The following IL1RAPL1 variants were observed in gnomAD, a reference collection of about 807,000 sequenced individuals.
IL1RAPL1 encodes interleukin 1 receptor accessory protein like 1.
In IL1RAPL1, 3 loss-of-function variants were observed where a neutral mutation model predicts 48.4. The ratio of observed to expected loss-of-function variants is 0.06; its 90% CI spans 0.03 to 0.16. IL1RAPL1 has a LOEUF of 0.16. Among genes scored for constraint, IL1RAPL1 ranks in the 10% least tolerant of loss-of-function variants. The probability of loss-of-function intolerance (pLI) is 1.00; values close to 1 mark genes in which losing one functional copy is unlikely to be tolerated. For missense variants in IL1RAPL1, 349 were observed against 530.6 expected, an observed-to-expected ratio of 0.66 and a Z score of 3.36; for synonymous variants, 185 against 187.7, an observed-to-expected ratio of 0.99 and a Z score of 0.12.
At chrX:29,593,157 C>T (rs61371732) in intron 5 of IL1RAPL1, among the ~76,000 whole-genome samples, 3,436 of 111,188 alleles carry the variant, frequency 0.031, 137 homozygotes, top group African/African-American at 0.11. Context: ...GCTTGGTTGT[C>T]GTATTAGCCT....
chrX:29,681,037 A>C (rs2147105675), intron 6 of IL1RAPL1, among the ~76,000 whole-genome samples: 1 of 112,703 alleles, frequency 8.9e-6, no homozygotes, highest in Non-Finnish European at 1.9e-5. Context: ...AATATGAATA[A>C]GTAAAGTGAG....
intron 2 of IL1RAPL1, among the ~76,000 whole-genome samples, chrX:29,101,311 T>G (rs1183112508): frequency 8.9e-6 from 1 of 111,898 alleles, no homozygotes; most frequent in Non-Finnish European, 1.9e-5. Context: ...ATGAAGAAAT[T>G]CAAAACCTGA....
chrX:28,651,623 G>A (rs1438495094), intron 1 of IL1RAPL1, among the ~76,000 whole-genome samples: 2 of 112,228 alleles, frequency 1.8e-5, no homozygotes, highest in African/African-American at 6.5e-5. Context: ...CTTTCACTAT[G>A]TTATAAAATC....
At chrX:28,643,905 T>C (rs911988126) in intron 1 of IL1RAPL1, among the ~76,000 whole-genome samples, 14 of 111,984 alleles carry the variant, frequency 1.3e-4, no homozygotes, top group African/African-American at 4.2e-4. Flanking sequence ...AATTCAGCTC[T>C]GGTCCTGAGT....
intron 2 of IL1RAPL1, among the ~76,000 whole-genome samples, chrX:28,860,111 CT>C (rs1921904284): frequency 9.0e-6 from 1 of 111,578 alleles, no homozygotes; most frequent in South Asian, 3.7e-4. Context: ...ACATAAATTG[CT>C]TTGACTAAAC....
At chrX:28,970,954 A>G (rs911374735) in intron 2 of IL1RAPL1, among the ~76,000 whole-genome samples, 1 of 111,731 alleles carries the variant, frequency 9.0e-6, no homozygotes, top group Non-Finnish European at 1.9e-5. Flanking sequence ...GCACATGTAG[A>G]ATATTTATAT....
intron 5 of IL1RAPL1, among the ~76,000 whole-genome samples, chrX:29,402,619 A>T (rs1310608578): frequency 9.0e-6 from 1 of 111,520 alleles, no homozygotes; most frequent in Admixed American, 9.6e-5. Flanking sequence ...GTTATAGTTA[A>T]TGAACTGATT....
At chrX:28,608,397 T>A (rs1934109543) in intron 1 of IL1RAPL1, among the ~76,000 whole-genome samples, 1 of 112,271 alleles carries the variant, frequency 8.9e-6, no homozygotes, top group Non-Finnish European at 1.9e-5. Flanking sequence ...CCTTTCAAAC[T>A]ATAGACTATT....
intron 1 of IL1RAPL1, among the ~76,000 whole-genome samples, chrX:28,648,760 G>C (rs1934646051): frequency 1.8e-5 from 2 of 112,099 alleles, no homozygotes; most frequent in African/African-American, 6.5e-5. Flanking sequence ...GTTCTCTGTT[G>C]ATTCTATTGA....
chrX:29,229,660 G>A (rs1225248163), intron 2 of IL1RAPL1, among the ~76,000 whole-genome samples: 4 of 112,099 alleles, frequency 3.6e-5, no homozygotes, highest in Admixed American at 9.5e-5. Context: ...GATTGGTTCC[G>A]TTCACACTGC....
chrX:29,628,479 G>A (rs1376692501), intron 5 of IL1RAPL1, among the ~76,000 whole-genome samples: 1 of 111,696 alleles, frequency 9.0e-6, no homozygotes. Flanking sequence ...GCATGTTACT[G>A]AAAAGAGTCC....
At chrX:28,831,026 CTGTGTGTGTGTGTGTGTGTGTG>C (rs57923954) in intron 2 of IL1RAPL1, among the ~76,000 whole-genome samples, 12 of 33,639 alleles carry the variant, frequency 3.6e-4, no homozygotes, top group East Asian at 3.5e-3. Context: ...CTCTCTCTCT[CTGTGTGTGTGTGTGTGTGTGTG>C]TGTGTGTGTG....
At chrX:29,730,722 C>T (rs1464508762) in intron 6 of IL1RAPL1, among the ~76,000 whole-genome samples, 1 of 111,917 alleles carries the variant, frequency 8.9e-6, no homozygotes, top group Admixed American at 9.5e-5. Context: ...TGTTGCCTTG[C>T]CAGTGGTAGA....
chrX:29,413,798 T>TCAA (rs1934179210), intron 5 of IL1RAPL1, among the ~76,000 whole-genome samples: 1 of 110,885 alleles, frequency 9.0e-6, no homozygotes, highest in Non-Finnish European at 1.9e-5. Context: ...ATCTTATTTG[T>TCAA]GTGCAAGCTA....
chrX:29,576,063 C>A (rs1265967970), intron 5 of IL1RAPL1, among the ~76,000 whole-genome samples: 1 of 112,152 alleles, frequency 8.9e-6, no homozygotes, highest in African/African-American at 3.2e-5. Flanking sequence ...TCCAAATATG[C>A]AACTTCGTTC....
chrX:29,893,406 C>G (rs1053565534), intron 6 of IL1RAPL1, among the ~76,000 whole-genome samples: 1 of 110,918 alleles, frequency 9.0e-6, no homozygotes, highest in Non-Finnish European at 1.9e-5. Context: ...CCAAAATCAG[C>G]CTGGGGACCT....
chrX:28,931,635 A>G (rs1923881799), intron 2 of IL1RAPL1, among the ~76,000 whole-genome samples: 1 of 112,164 alleles, frequency 8.9e-6, no homozygotes, highest in Non-Finnish European at 1.9e-5. Context: ...TCATTAATTT[A>G]AAATGATTAC....
intron 1 of IL1RAPL1, among the ~76,000 whole-genome samples, chrX:28,739,601 A>G (rs916812798): frequency 2.7e-5 from 3 of 111,870 alleles, no homozygotes; most frequent in African/African-American, 9.7e-5. Flanking sequence ...AGTAGAAGAG[A>G]CAGGATTTTA....
At chrX:29,673,955 G>A (rs5972641) in intron 6 of IL1RAPL1, among the ~76,000 whole-genome samples, 1,616 of 111,957 alleles carry the variant, frequency 0.014, 28 homozygotes, top group African/African-American at 0.05. Context: ...TCAATAAATG[G>A]AAACTAGTAT....
Sources: allele counts gnomAD v4.1 joint callset (sites outside exome capture counted in the v4.1 genomes callset), GRCh38; gene constraint gnomAD v4.1.1; transcripts MANE v1.5; gene names NCBI Gene and HGNC (gene_info 2026-07-23, HGNC 2026-07-21).